The following VDAC1 variants were observed in gnomAD, a reference collection of about 807,000 sequenced individuals.
VDAC1 encodes non-selective voltage-gated ion channel VDAC1.
VDAC1 carries 10 observed loss-of-function variants against 34.7 expected under a neutral mutation model. The observed-to-expected ratio is 0.29, with a 90% confidence interval of 0.18 to 0.49. The LOEUF is 0.49. VDAC1 is among the 20% of genes least tolerant of loss of function. The pLI is 0.99. For missense variants in VDAC1, 230 were observed against 347.9 expected, an observed-to-expected ratio of 0.66 and a Z score of 2.69; for synonymous variants, 130 against 136.0, an observed-to-expected ratio of 0.96 and a Z score of 0.30.
At chr5:133,995,902 A>G (rs1753283089) in intron 1 of VDAC1, among the ~76,000 whole-genome samples, 1 of 152,206 alleles carries the variant, frequency 6.6e-6, no homozygotes, top group South Asian at 2.1e-4. Context: ...TGCTGACTTG[A>G]AGGCTGAACC....
chr5:134,006,366 G>T (rs538971112), upstream of VDAC1, among the ~76,000 whole-genome samples: 29 of 152,270 alleles, frequency 1.9e-4, 1 homozygote, highest in South Asian at 5.8e-3. Flanking sequence ...AGGAACAGAT[G>T]CCGGTGCAAC....
At chr5:133,994,634 C>T (rs1169389833) in intron 1 of VDAC1, among the ~76,000 whole-genome samples, 1 of 152,198 alleles carries the variant, frequency 6.6e-6, no homozygotes, top group African/African-American at 2.4e-5. Context: ...CCACCAGAAC[C>T]TCAAGAAATA....
chr5:134,018,940 G>A, the VDAC1 span, among the ~76,000 whole-genome samples: 2 of 152,050 alleles, frequency 1.3e-5, no homozygotes, highest in Non-Finnish European at 2.9e-5. Flanking sequence ...TCACCGGGAG[G>A]ACTGCACACT....
chr5:134,113,926 C>T, the VDAC1 span, among the ~76,000 whole-genome samples: 2 of 152,160 alleles, frequency 1.3e-5, no homozygotes, highest in Non-Finnish European at 2.9e-5. Flanking sequence ...CCCAAAGTTC[C>T]GAGTCTCCGG....
At chr5:134,057,893 T>C in the VDAC1 span, among the ~76,000 whole-genome samples, 1 of 152,012 alleles carries the variant, frequency 6.6e-6, no homozygotes, top group South Asian at 2.1e-4. Context: ...TCACTGTTTT[T>C]TGTTTTGTTT....
chr5:134,018,555 G>T, the VDAC1 span, among the ~76,000 whole-genome samples: 1 of 152,200 alleles, frequency 6.6e-6, no homozygotes, highest in Non-Finnish European at 1.5e-5. Flanking sequence ...GTGGGCTGGG[G>T]ACTGTTTAGT....
the VDAC1 span, among the ~76,000 whole-genome samples, chr5:134,073,370 A>G: frequency 1.3e-5 from 2 of 152,228 alleles, no homozygotes; most frequent in Admixed American, 6.5e-5. Flanking sequence ...GCCTCATCCC[A>G]GTCCTCCTGA....
At chr5:134,050,391 A>T in the VDAC1 span, among the ~76,000 whole-genome samples, 1 of 152,238 alleles carries the variant, frequency 6.6e-6, no homozygotes, top group East Asian at 1.9e-4. Context: ...CTTTTAAATT[A>T]TTCAATGCGT....
At chr5:134,073,406 G>A in the VDAC1 span, among the ~76,000 whole-genome samples, 13 of 152,262 alleles carry the variant, frequency 8.5e-5, no homozygotes, top group African/African-American at 3.1e-4. Context: ...GGTCTGGCCC[G>A]CCAATGTATA....
At position 133,979,327 on chromosome 5, in the gene VDAC1, C is replaced by T. The variant is rs367941892; in HGVS notation, c.551+1402G>A. 2.9e-3 allele frequency among the ~76,000 whole-genome samples: 434 copies of T among 150,784 alleles called. 3 individuals carry two copies. Among genetic ancestry groups the T allele is most frequent in the African/African-American group, 9.3e-3 (381 of 41,130 alleles). ...CCCATGCCAATCAGAATTCTACGTT[C>T]AAAAACATTTCTATGCATGTGGTAT... On this transcript the variant is annotated intron_variant, in intron 6 of 8. Transcript: ENST00000265333.
the VDAC1 span, among the ~76,000 whole-genome samples, chr5:134,035,503 C>T: frequency 6.6e-6 from 1 of 152,216 alleles, no homozygotes; most frequent in Non-Finnish European, 1.5e-5. Context: ...CCACCTTGGT[C>T]TCCCAAAGTG....
chr5:134,108,830 G>A, the VDAC1 span, among the ~76,000 whole-genome samples: 2 of 152,128 alleles, frequency 1.3e-5, no homozygotes, highest in Admixed American at 6.5e-5. Context: ...GGGACCCTAT[G>A]GGGTCAAAGT....
At chr5:134,072,349 T>A in the VDAC1 span, among the ~76,000 whole-genome samples, 12 of 152,218 alleles carry the variant, frequency 7.9e-5, no homozygotes, top group Non-Finnish European at 1.6e-4. Flanking sequence ...GGGCAGGACC[T>A]GCTGCAGCTC....
chr5:134,097,513 G>C, the VDAC1 span, among the ~76,000 whole-genome samples: 23 of 152,210 alleles, frequency 1.5e-4, no homozygotes, highest in Non-Finnish European at 2.9e-4. Context: ...TTGTTGAAAT[G>C]GTGAGGGCAT....
the VDAC1 span, among the ~76,000 whole-genome samples, chr5:134,031,608 T>C: frequency 1.3e-5 from 2 of 151,942 alleles, no homozygotes; most frequent in Non-Finnish European, 2.9e-5. Flanking sequence ...AGGTGGATTG[T>C]CTGAGCTCAG....
chr5:134,079,482 G>A, the VDAC1 span, among the ~76,000 whole-genome samples: 10 of 152,280 alleles, frequency 6.6e-5, no homozygotes, highest in South Asian at 2.1e-4. Context: ...GTCTCCACTC[G>A]GGGTGGAGAA....
intron 5 of VDAC1, chr5:133,989,348 A>G (rs1465222364): frequency 2.0e-5 from 3 of 150,926 alleles, no homozygotes; most frequent in Non-Finnish European, 4.4e-5. Context: ...TTTTATATGT[A>G]TATCTTACCA....
the VDAC1 span, among the ~76,000 whole-genome samples, chr5:134,062,459 T>C: frequency 2.0e-5 from 3 of 151,790 alleles, no homozygotes; most frequent in Non-Finnish European, 4.4e-5. Context: ...CTATATACAG[T>C]TTGCTAATAC....
At chr5:134,006,762 A>C (rs1333382244), upstream of VDAC1, among the ~76,000 whole-genome samples, 1 of 129,334 alleles carries the variant, frequency 7.7e-6, no homozygotes, top group Admixed American at 7.7e-5. Context: ...AAAAAAAAAC[A>C]AAAAAAAACA....
Sources: allele counts gnomAD v4.1 joint callset (sites outside exome capture counted in the v4.1 genomes callset), GRCh38; gene constraint gnomAD v4.1.1; transcripts MANE v1.5; gene names NCBI Gene and HGNC (gene_info 2026-07-23, HGNC 2026-07-21).